Variants in LGR4 observed in about 807,000 individuals in gnomAD.
LGR4 encodes leucine-rich repeat-containing G protein-coupled receptor 4.
In LGR4, 44 loss-of-function variants were observed where a neutral mutation model predicts 84.8. That is an observed-to-expected ratio of 0.52 (90% confidence interval 0.41 to 0.67). The LOEUF (loss-of-function observed/expected upper bound fraction) is 0.67, where lower values mean the gene tolerates loss of function less well. LGR4 is among the 30% of genes least tolerant of loss of function. LGR4 has a pLI of 0.00. For missense variants in LGR4, 1,032 were observed against 1,131.4 expected (o/e 0.91, Z 1.26); for synonymous variants, 429 against 434.3 (o/e 0.99, Z 0.15).
intron 4 of LGR4, among the ~76,000 whole-genome samples, chr11:27,385,745 G>C (rs1863175593): frequency 6.7e-6 from 1 of 149,450 alleles, no homozygotes; most frequent in Admixed American, 6.7e-5. Context: ...ATAGCAGAAA[G>C]ATATATTTTT....
intron 2 of LGR4, among the ~76,000 whole-genome samples, chr11:27,405,043 T>C (rs1251428859): frequency 6.6e-6 from 1 of 152,202 alleles, no homozygotes; most frequent in East Asian, 1.9e-4. Flanking sequence ...TCCAGTCAAA[T>C]GCAGTACAAC....
intron 5 of LGR4, 89 bp downstream of exon 5, chr11:27,385,164 A>G (rs1863162120): frequency 2.2e-6 from 2 of 919,328 alleles, no homozygotes; most frequent in Admixed American, 5.2e-5. Flanking sequence ...ATATTCAGCG[A>G]GATGCCTTGA....
At chr11:27,392,309 C>T in intron 3 of LGR4, 138 bp downstream of exon 3, 1 of 610,986 alleles carries the variant, frequency 1.6e-6, no homozygotes, top group Non-Finnish European at 2.7e-6. Flanking sequence ...TCTGGCCTCT[C>T]ATACTACTCA....
intron 1 of LGR4, among the ~76,000 whole-genome samples, chr11:27,462,831 C>G (rs990578456): frequency 1.3e-5 from 2 of 151,822 alleles, no homozygotes; most frequent in African/African-American, 4.8e-5. Context: ...ACAATGCCCT[C>G]CTGAACTCGG....
At chr11:27,423,829 C>A (rs561851677) in intron 1 of LGR4, among the ~76,000 whole-genome samples, 1 of 152,230 alleles carries the variant, frequency 6.6e-6, no homozygotes, top group Non-Finnish European at 1.5e-5. Context: ...AGGTTAAATT[C>A]TTTTTAATTT....
chr11:27,405,606 C>G (rs1207913762), intron 2 of LGR4, among the ~76,000 whole-genome samples: 1 of 152,130 alleles, frequency 6.6e-6, no homozygotes, highest in Non-Finnish European at 1.5e-5. Flanking sequence ...ATCTTCTCTT[C>G]TAAAAAAATT....
chr11:27,446,370 C>T (rs775213478), intron 1 of LGR4, among the ~76,000 whole-genome samples: 14 of 152,034 alleles, frequency 9.2e-5, no homozygotes, highest in Admixed American at 3.3e-4. Flanking sequence ...AAAAAGTGGG[C>T]GAAGGATATG....
rs1421975475 is a variant in LGR4 at position 27,384,327 on chromosome 11, T to C, written c.689+9A>G. ...ACAATGCAGTTGCCCAAAATATGAA[T>C]ATACTTACAAGGTCTCCAGGTTATC... On this transcript the variant is annotated intron_variant, in intron 6 of 17. Transcript: ENST00000379214. 2.5e-6 allele frequency: 4 copies of C among 1,569,804 alleles called. No homozygotes were observed. Among genetic ancestry groups the C allele is most frequent in the Middle Eastern group, 1.7e-4 (1 of 5,960 alleles).
chr11:27,451,738 C>G (rs1372505315), intron 1 of LGR4, among the ~76,000 whole-genome samples: 2 of 152,178 alleles, frequency 1.3e-5, no homozygotes, highest in Non-Finnish European at 2.9e-5. Flanking sequence ...GGCAAATATA[C>G]TGAATCATCA....
In LGR4 at chr11:27,376,479, T is replaced by C. The variant is rs1862984316; in HGVS notation, c.1110-109A>G. ...AAAAAGAAAAAAGTTACTTTCTATT[T>C]TGAAAAATAACATTATAACATTTCT... is the stretch of plus-strand genomic sequence containing the variant. On this transcript the variant is annotated intron_variant, in intron 12 of 17. Coordinates refer to ENST00000379214, the MANE Select transcript of LGR4 (RefSeq NM_018490.5). 11 of 531,494 alleles carry C rather than the reference T, an allele frequency of 2.1e-5. No individual in the cohort carries two copies. The East Asian group carries it at 3.5e-4, about 17-fold the overall frequency. 32.9% of individuals were successfully genotyped at this position (531,494 alleles called of 1,614,324 possible).
At chr11:27,425,335 T>TTG (rs1864003523) in intron 1 of LGR4, among the ~76,000 whole-genome samples, 1 of 149,584 alleles carries the variant, frequency 6.7e-6, no homozygotes, top group African/African-American at 2.5e-5. Context: ...AGTTTTTTTT[T>TTG]TTGTTTTTTT....
At chr11:27,462,753 G>A (rs1864704576) in intron 1 of LGR4, among the ~76,000 whole-genome samples, 1 of 152,044 alleles carries the variant, frequency 6.6e-6, no homozygotes, top group Non-Finnish European at 1.5e-5. Context: ...TGAAGATAAT[G>A]CAAGCTGCCT....
chr11:27,452,980 T>C (rs1157884502), intron 1 of LGR4, among the ~76,000 whole-genome samples: 3 of 152,172 alleles, frequency 2.0e-5, no homozygotes, highest in Non-Finnish European at 4.4e-5. Flanking sequence ...AACCTTTTTA[T>C]GTTTTTTCTT....
Position 27,472,153 on chromosome 11 carries a change from G to A in LGR4, c.150C>T (p.Ala50=). The A allele has an allele frequency of 1.4e-5, 19 of 1,391,456 alleles. No homozygotes were observed. The highest frequency in any genetic ancestry group is 1.8e-5 in the Non-Finnish European group (19 of 1,074,624). The allele number at this position is 1,391,456 out of a possible 1,614,324, so 86.2% of individuals were successfully genotyped here. A position where few individuals can be genotyped will look rare whatever the true frequency, so the allele number is the denominator to read the frequency against. ...TGAAGGCGCTGAGCCCCTCGGGCAC[G>A]GCCGTCAGCCCCTTCCCGGAGCAGT... The part of the protein sequence containing the change: ...RVDCSGKGLT[A]VPEGLSAFTQ... The change falls in exon 1 of 18, where the codon GCC becomes GCT. Residue 50 remains alanine (A), a synonymous_variant. Transcript: ENST00000379214.
intron 1 of LGR4, among the ~76,000 whole-genome samples, chr11:27,470,949 T>C (rs1400680066): frequency 6.6e-6 from 1 of 152,136 alleles, no homozygotes; most frequent in African/African-American, 2.4e-5. Context: ...CCTTTAAAAC[T>C]GTCTATTTCT....
intron 1 of LGR4, among the ~76,000 whole-genome samples, chr11:27,426,016 G>A (rs768122524): frequency 6.6e-6 from 1 of 152,158 alleles, no homozygotes; most frequent in Admixed American, 6.5e-5. Context: ...TGAATGATGT[G>A]CCAGACATTG....
chr11:27,371,609 G>A lies in LGR4; in HGVS notation c.1579+6C>T, dbSNP rs1862884564. ...GGGTAACTGTGAAAAAATAGGCCAG[G>A]CATACCTGTTGAAGGTGTACAATGG... On this transcript the variant is annotated splice_donor_region_variant and intron_variant, in intron 17 of 17. Transcript: ENST00000379214. The A allele has an allele frequency of 3.8e-6, 6 of 1,598,676 alleles. No homozygotes were observed. Among genetic ancestry groups the A allele is most frequent in the Non-Finnish European group, 5.1e-6 (6 of 1,167,768 alleles).
intron 5 of LGR4, 107 bp downstream of exon 5, chr11:27,385,146 T>A (rs1863161951): frequency 1.3e-6 from 1 of 764,380 alleles, no homozygotes; most frequent in Non-Finnish European, 2.1e-6. Context: ...CACTAACTAC[T>A]CAGGAGCATA....
At chr11:27,378,882 T>A (rs2133367396) in intron 10 of LGR4, 114 bp from the exon 11 acceptor site, 2 of 679,450 alleles carry the variant, frequency 2.9e-6, no homozygotes, top group Non-Finnish European at 5.1e-6. Context: ...ATTCTATACA[T>A]CCCATGGCCT....
Sources: allele counts gnomAD v4.1 joint callset (sites outside exome capture counted in the v4.1 genomes callset), GRCh38; gene constraint gnomAD v4.1.1; transcripts MANE v1.5; gene names NCBI Gene and HGNC (gene_info 2026-07-23, HGNC 2026-07-21).